PCDHGB3: variants seen among roughly 807,000 people sequenced by gnomAD.
PCDHGB3 encodes the protein protocadherin gamma-B3.
In PCDHGB3, 40 loss-of-function variants were observed where a neutral mutation model predicts 59.2. That is an observed-to-expected ratio of 0.68 (90% CI 0.52 to 0.88). The LOEUF is 0.88. Among genes scored for constraint, PCDHGB3 ranks in the 40% least tolerant of loss-of-function variants. The pLI, the probability that PCDHGB3 is intolerant of heterozygous loss-of-function variation, is 0.00. For synonymous variants in PCDHGB3, 581 were observed against 503.6 expected, an observed-to-expected ratio of 1.15 and a Z score of -2.06; for missense variants, 1,309 against 1,187.9, an observed-to-expected ratio of 1.10 and a Z score of -1.50.
At chr5:141,388,668 C>T in intron 1 of PCDHGB3, 1 of 1,613,882 alleles carries the variant, frequency 6.2e-7, no homozygotes, top group Non-Finnish European at 8.5e-7. Context: ...GACCACGGTG[C>T]TACAGGTGAC....
chr5:141,409,906 T>G (rs779572711), intron 1 of PCDHGB3: 2 of 1,613,096 alleles, frequency 1.2e-6, no homozygotes, highest in African/African-American at 2.7e-5. Flanking sequence ...CAGCTCTGGG[T>G]CCTGACGGCT....
chr5:141,392,570 AG>A (rs1561637414), intron 1 of PCDHGB3: 1 of 443,018 alleles, frequency 2.3e-6, no homozygotes, highest in East Asian at 3.6e-5. Context: ...GTAACTATTT[AG>A]GACTGTAAGC....
In PCDHGB3 at chr5:141,435,253, G is replaced by A. The variant is rs2097754974; in HGVS notation, c.2416-59554G>A. Among the ~76,000 whole-genome samples the A allele has an allele frequency of 1.3e-5, 2 of 152,064 alleles. 1 individual carries two copies. The highest frequency in any genetic ancestry group is 3.9e-4 in the East Asian group (2 of 5,184). On this transcript the variant is annotated intron_variant, in intron 1 of 3. Transcript: ENST00000576222. ...TTCAGTAATTCTTTCTGGCCATTAG[G>A]GATATGTCCATTTATACTTTCTCAG...
At chr5:141,410,839 T>G in intron 1 of PCDHGB3, 2 of 481,442 alleles carry the variant, frequency 4.2e-6, no homozygotes, top group Non-Finnish European at 6.8e-6. Context: ...TGAAGATATT[T>G]TGTCTTTGTC....
intron 2 of PCDHGB3, among the ~76,000 whole-genome samples, chr5:141,503,954 C>T (rs2099834393): frequency 6.6e-6 from 1 of 152,186 alleles, no homozygotes; most frequent in Non-Finnish European, 1.5e-5. Flanking sequence ...GCCTACCCTA[C>T]AGCCTTTCCC....
At chr5:141,393,316 A>T (rs2092726404) in intron 1 of PCDHGB3, 2 of 1,612,964 alleles carry the variant, frequency 1.2e-6, no homozygotes, top group Non-Finnish European at 1.7e-6. Flanking sequence ...AACTCCCTCC[A>T]GAGCTACCAG....
chr5:141,414,173 C>A, intron 1 of PCDHGB3: 1 of 1,606,526 alleles, frequency 6.2e-7, no homozygotes. Context: ...GCATATCTTG[C>A]AACTGCAAAA....
chr5:141,477,878 C>T lies in PCDHGB3; in HGVS notation c.2416-16929C>T. On this transcript the variant is annotated intron_variant, in intron 1 of 3. Coordinates refer to ENST00000576222, the MANE Select transcript of PCDHGB3 (RefSeq NM_018924.5). The surrounding 1 kb of genome is among the most constrained non-coding windows in gnomAD (Gnocchi z 4.9). ...GCTGCCTCGAGGTACCTCAGCTGGC[C>T]ACCTAGTGTCACGGGTGGTAGGCTG... 2.5e-6 allele frequency: 4 copies of T among 1,614,158 alleles called. No individual in the cohort carries two copies. Among genetic ancestry groups the T allele is most frequent in the Non-Finnish European group, 3.4e-6 (4 of 1,180,008 alleles).
intron 1 of PCDHGB3, among the ~76,000 whole-genome samples, chr5:141,436,469 G>A (rs376024456): frequency 6.6e-6 from 1 of 152,304 alleles, no homozygotes; most frequent in East Asian, 1.9e-4. Flanking sequence ...ATTTTCAGAT[G>A]TATCATAGAA....
rs758205179 is a variant in PCDHGB3 at position 141,477,813 on chromosome 5, A to G, written c.2416-16994A>G. ...ACTGATCGCAATGACAATGCCCCCC[A>G]GGTCCTATATCCTCGGCCAGGTGGG... On this transcript the variant is annotated intron_variant, in intron 1 of 3. Transcript: ENST00000576222. This position sits in a 1 kb window ranked among gnomAD's most constrained non-coding sequence, Gnocchi z 4.9. The G allele has an allele frequency of 8.1e-6, 13 of 1,614,002 alleles. No homozygotes were observed. The East Asian group carries it at 2.7e-4, about 33-fold the overall frequency.
At chr5:141,430,996 G>C in intron 1 of PCDHGB3, 8 of 1,614,024 alleles carry the variant, frequency 5.0e-6, no homozygotes, top group Middle Eastern at 3.3e-4. Context: ...CCCTGAATCC[G>C]CGCAGCGGCA....
intron 1 of PCDHGB3, among the ~76,000 whole-genome samples, chr5:141,474,250 A>G (rs2099346141): frequency 6.6e-6 from 1 of 152,236 alleles, no homozygotes; most frequent in East Asian, 1.9e-4. Flanking sequence ...GGGGAAAAAA[A>G]GACTGATAAA....
chr5:141,399,570 C>T (rs1297172097), intron 1 of PCDHGB3: 1 of 1,614,044 alleles, frequency 6.2e-7, no homozygotes, highest in Non-Finnish European at 8.5e-7. Context: ...GGTTGAACGG[C>T]CAAGTCTCCT....
intron 1 of PCDHGB3, chr5:141,389,501 G>A (rs752472089): frequency 3.7e-6 from 6 of 1,613,066 alleles, no homozygotes; most frequent in Non-Finnish European, 5.1e-6. Context: ...GCTCGCCAGC[G>A]CTCAGCGCGA....
intron 1 of PCDHGB3, chr5:141,392,725 A>G: frequency 7.1e-7 from 1 of 1,399,540 alleles, no homozygotes; most frequent in South Asian, 1.6e-5. Flanking sequence ...TTTCCGGAGG[A>G]TTGTCATCTC....
intron 1 of PCDHGB3, chr5:141,475,974 A>G: frequency 1.0e-6 from 1 of 975,714 alleles, no homozygotes; most frequent in Non-Finnish European, 1.5e-6. Flanking sequence ...GCAGAGACTG[A>G]ACAGCCGGCG....
intron 1 of PCDHGB3, among the ~76,000 whole-genome samples, chr5:141,402,286 C>T (rs2094248272): frequency 6.6e-6 from 1 of 151,638 alleles, no homozygotes; most frequent in Non-Finnish European, 1.5e-5. Flanking sequence ...ATAATCTATC[C>T]TTATATATGT....
At chr5:141,413,858 G>A (rs751172785) in intron 1 of PCDHGB3, 28 of 1,613,140 alleles carry the variant, frequency 1.7e-5, no homozygotes, top group African/African-American at 4.0e-5. Context: ...CTCCGATCTG[G>A]CACTGTCCTT....
chr5:141,419,035 T>G, intron 1 of PCDHGB3: 1 of 1,613,954 alleles, frequency 6.2e-7, no homozygotes, highest in Non-Finnish European at 8.5e-7. Context: ...GTGTTCCATT[T>G]AAGATTCATT....
Sources: gnomAD v4.1 joint callset for allele counts (sites outside exome capture counted in the v4.1 genomes callset) on GRCh38, gnomAD v4.1.1 for gene constraint, Gnocchi (gnomAD v3.1) non-coding constraint, MANE v1.5 for transcripts, NCBI Gene and HGNC (gene_info 2026-07-23, HGNC 2026-07-21) for gene names.